Variants in C1orf21 observed in about 807,000 individuals in gnomAD.
The protein encoded by C1orf21 is uncharacterized protein C1orf21.
Under a neutral mutation model 18.7 loss-of-function variants are expected in C1orf21, and 3 were observed. The observed-to-expected ratio is 0.16, with a 90% CI of 0.07 to 0.42. The LOEUF (loss-of-function observed/expected upper bound fraction) is 0.42, where lower values mean the gene tolerates loss of function less well. C1orf21 is among the 10% of genes least tolerant of loss of function. C1orf21 has a pLI of 0.99. For missense variants in C1orf21, 104 were observed against 143.6 expected, an observed-to-expected ratio of 0.72 and a Z score of 1.41; for synonymous variants, 41 against 46.4, an observed-to-expected ratio of 0.88 and a Z score of 0.47.
intron 1 of C1orf21, among the ~76,000 whole-genome samples, chr1:184,463,232 A>G (rs2101984853): frequency 6.6e-6 from 1 of 152,264 alleles, no homozygotes; most frequent in Non-Finnish European, 1.5e-5. Flanking sequence ...TGCATGCTGC[A>G]GGCCAATCCT....
chr1:184,417,133 C>T lies in C1orf21; in HGVS notation c.-125+29765C>T, dbSNP rs117317416. On this transcript the variant is annotated intron_variant, in intron 1 of 5. Coordinates refer to ENST00000235307, the MANE Select transcript of C1orf21 (RefSeq NM_030806.4). ...TATACTCTCCTGTTTTTGGCTCAGT[C>T]GAAAGAGCAGTGCTTGACACTAAGA... 5.6e-3 allele frequency among the ~76,000 whole-genome samples: 847 copies of T among 152,076 alleles called. 9 individuals carry two copies. The highest frequency in any genetic ancestry group is 0.016 in the East Asian group (84 of 5,172).
Position 184,514,254 on chromosome 1 carries a change from C to G in C1orf21, c.189+6572C>G, listed in dbSNP as rs1222425347. Among the ~76,000 whole-genome samples, 6 of 152,308 alleles carry G rather than the reference C, an allele frequency of 3.9e-5. No homozygotes were observed. In the East Asian group the frequency reaches 9.6e-4, roughly 24 times the overall value. ...CAGGAATTCAAGGCTGCAGTGAGGT[C>G]TGATCATGCCAGTGCTCTCTAGCCT... On this transcript the variant is annotated intron_variant, in intron 3 of 5. Coordinates refer to ENST00000235307, the MANE Select transcript of C1orf21 (RefSeq NM_030806.4).
chr1:184,550,620 G>A (rs1431655252), intron 3 of C1orf21, among the ~76,000 whole-genome samples: 2 of 152,060 alleles, frequency 1.3e-5, no homozygotes, highest in African/African-American at 4.8e-5. Context: ...CTGCAGCCTT[G>A]ACCTCCTGGG....
At chr1:184,451,078 A>G (rs780529152) in intron 1 of C1orf21, among the ~76,000 whole-genome samples, 13 of 152,170 alleles carry the variant, frequency 8.5e-5, no homozygotes, top group Non-Finnish European at 1.5e-4. Context: ...GCATTTCGCC[A>G]TGTTGGCCAG....
chr1:184,536,030 T>C (rs566797806), intron 3 of C1orf21, among the ~76,000 whole-genome samples: 1 of 152,170 alleles, frequency 6.6e-6, no homozygotes, highest in Non-Finnish European at 1.5e-5. Flanking sequence ...CATTAAATCA[T>C]TCAAGAAGGA....
chr1:184,480,086 C>T (rs942631481), intron 2 of C1orf21, among the ~76,000 whole-genome samples: 1 of 152,042 alleles, frequency 6.6e-6, no homozygotes, highest in East Asian at 1.9e-4. Flanking sequence ...GCCAAATGCC[C>T]GAAGAGGAAA....
At chr1:184,415,301 T>G (rs1343174388) in intron 1 of C1orf21, among the ~76,000 whole-genome samples, 2 of 152,252 alleles carry the variant, frequency 1.3e-5, no homozygotes, top group Non-Finnish European at 2.9e-5. Context: ...TTAGCCTCTT[T>G]GGACCTTCTT....
chr1:184,422,907 A>G (rs532493189), intron 1 of C1orf21, among the ~76,000 whole-genome samples: 56 of 152,368 alleles, frequency 3.7e-4, no homozygotes, highest in African/African-American at 1.3e-3. Context: ...TGTCTGGCAC[A>G]GATTGACTTG....
rs564258140 is a variant in C1orf21 at position 184,410,665 on chromosome 1, T to A, written c.-125+23297T>A. Among the ~76,000 whole-genome samples, 89 of 16,468 alleles carry A rather than the reference T, an allele frequency of 5.4e-3. 13 individuals carry two copies. The highest frequency in any genetic ancestry group is 0.044 in the East Asian group (19 of 430). 10.8% of individuals were successfully genotyped at this position (16,468 alleles called of 152,430 possible). A position where few individuals can be genotyped will look rare whatever the true frequency, so the allele number is the denominator to read the frequency against. ...TATATATATATATATATATATATAT[T>A]TTTTTTTTTTTTTTTTGAGATGGAG... On this transcript the variant is annotated intron_variant, in intron 1 of 5. Transcript: ENST00000235307.
intron 5 of C1orf21, among the ~76,000 whole-genome samples, chr1:184,613,099 G>A (rs1659763791): frequency 6.6e-6 from 1 of 152,062 alleles, no homozygotes; most frequent in African/African-American, 2.4e-5. Context: ...ACAGGCGCAC[G>A]CCACCACGCC....
At chr1:184,457,538 C>T (rs1657239718) in intron 1 of C1orf21, among the ~76,000 whole-genome samples, 2 of 152,126 alleles carry the variant, frequency 1.3e-5, no homozygotes, top group South Asian at 2.1e-4. Context: ...GGCAATCTGA[C>T]CTCTTTGTGA....
At chr1:184,410,617 T>TATATA (rs1491211140) in intron 1 of C1orf21, among the ~76,000 whole-genome samples, 1 of 21,156 alleles carries the variant, frequency 4.7e-5, no homozygotes, top group Non-Finnish European at 6.9e-5. Context: ...GCCATATATA[T>TATATA]TATATATATA....
At chr1:184,394,451 A>C (rs1481150311) in intron 1 of C1orf21, among the ~76,000 whole-genome samples, 1 of 152,210 alleles carries the variant, frequency 6.6e-6, no homozygotes, top group Non-Finnish European at 1.5e-5. Flanking sequence ...CATACCCATC[A>C]TCATAGATAC....
At chr1:184,403,824 G>A (rs762898038) in intron 1 of C1orf21, among the ~76,000 whole-genome samples, 1 of 152,136 alleles carries the variant, frequency 6.6e-6, no homozygotes, top group African/African-American at 2.4e-5. Context: ...GGGTCAAGCA[G>A]TAAGAAATCT....
In C1orf21 at chr1:184,619,924, T is replaced by C. The variant is rs1374525585; in HGVS notation, c.*368T>C. 5.3e-6 allele frequency: 1 copy of C among 189,764 alleles called. No homozygotes were observed. The highest frequency in any genetic ancestry group is 1.1e-5 in the Non-Finnish European group (1 of 93,892). 11.8% of individuals were successfully genotyped at this position (189,764 alleles called of 1,614,324 possible). A position where few individuals can be genotyped will look rare whatever the true frequency, so the allele number is the denominator to read the frequency against. ...AAGATGAGGTAGTGGTGAACTCAGA[T>C]AACAAACTTCTCTTCTAAACTGGTT... On this transcript the variant is annotated 3_prime_UTR_variant, in exon 6 of 6. Coordinates refer to ENST00000235307, the MANE Select transcript of C1orf21 (RefSeq NM_030806.4).
Position 184,627,095 on chromosome 1 carries a change from G to A in C1orf21, c.*7539G>A, listed in dbSNP as rs1447014525. ...GATTTTTAAAAAGCACAGACAAATT[G>A]TATGCAAGTGGAAAATACCCATAGG... On this transcript the variant is annotated 3_prime_UTR_variant, in exon 6 of 6. Coordinates refer to ENST00000235307, the MANE Select transcript of C1orf21 (RefSeq NM_030806.4). 6.6e-6 allele frequency: 1 copy of A among 152,496 alleles called. No individual in the cohort carries two copies. The highest frequency in any genetic ancestry group is 6.6e-5 in the Admixed American group (1 of 15,256). The allele number at this position is 152,496 out of a possible 1,614,324, so 9.4% of individuals were successfully genotyped here. A position where few individuals can be genotyped will look rare whatever the true frequency, so the allele number is the denominator to read the frequency against.
chr1:184,567,836 C>A, intron 3 of C1orf21: 1 of 219,792 alleles, frequency 4.5e-6, no homozygotes, highest in Non-Finnish European at 9.1e-6. Flanking sequence ...CCTGCAAGCC[C>A]CGTGATGAAA....
chr1:184,609,080 C>G (rs1659691413), intron 5 of C1orf21, among the ~76,000 whole-genome samples: 1 of 152,146 alleles, frequency 6.6e-6, no homozygotes, highest in Non-Finnish European at 1.5e-5. Context: ...ACAGTGTCAC[C>G]CCCCTTTGTG....
intron 1 of C1orf21, among the ~76,000 whole-genome samples, chr1:184,467,909 ATCTT>A (rs1364108640): frequency 6.6e-6 from 1 of 152,088 alleles, no homozygotes; most frequent in Non-Finnish European, 1.5e-5. Flanking sequence ...GACACAAAAC[ATCTT>A]TCTTTCCATC....
Sources: allele counts gnomAD v4.1 joint callset (sites outside exome capture counted in the v4.1 genomes callset), GRCh38; gene constraint gnomAD v4.1.1; transcripts MANE v1.5; gene names NCBI Gene and HGNC (gene_info 2026-07-23, HGNC 2026-07-21).